Variants in SLC25A31 observed in about 807,000 individuals in gnomAD.
SLC25A31 encodes the protein ADP/ATP translocase 4.
A neutral mutation model predicts 36.2 loss-of-function variants in SLC25A31; 40 were observed. The observed-to-expected ratio is 1.10, with a 90% CI of 0.86 to 1.44. The LOEUF (loss-of-function observed/expected upper bound fraction) is 1.44. SLC25A31 is among the 40% of genes most tolerant of loss of function. The pLI, the probability that SLC25A31 is intolerant of heterozygous loss-of-function variation, is 0.00. For synonymous variants in SLC25A31, 143 were observed against 149.7 expected, an observed-to-expected ratio of 0.96 and a Z score of 0.32; for missense variants, 350 against 397.1, an observed-to-expected ratio of 0.88 and a Z score of 1.01.
intron 5 of SLC25A31, among the ~76,000 whole-genome samples, chr4:127,771,969 A>G (rs1578676170): frequency 6.6e-6 from 1 of 152,216 alleles, no homozygotes; most frequent in East Asian, 1.9e-4. Context: ...AGCACTTGCT[A>G]GATTTGATTG....
chr4:127,730,840 A>G (rs1449181750), intron 1 of SLC25A31, 63 bp downstream of exon 1: 4 of 1,486,174 alleles, frequency 2.7e-6, no homozygotes, highest in Non-Finnish European at 2.7e-6. Flanking sequence ...CCCAGAGAAG[A>G]GGGTGGCTGG....
chr4:127,745,932 T>C (rs2148756658), intron 2 of SLC25A31, among the ~76,000 whole-genome samples: 1 of 152,222 alleles, frequency 6.6e-6, no homozygotes, highest in Non-Finnish European at 1.5e-5. Flanking sequence ...CCAATAGTTA[T>C]TTTTCCTGCA....
intron 2 of SLC25A31, among the ~76,000 whole-genome samples, chr4:127,757,380 T>A (rs1176917855): frequency 6.6e-6 from 1 of 152,204 alleles, no homozygotes; most frequent in Non-Finnish European, 1.5e-5. Context: ...AGTGAGAACA[T>A]GAAGTATTTA....
At chr4:127,767,734 A>G (rs960551759) in intron 4 of SLC25A31, among the ~76,000 whole-genome samples, 1 of 145,160 alleles carries the variant, frequency 6.9e-6, no homozygotes, top group African/African-American at 2.9e-5. Context: ...TTCAGATTTT[A>G]AGAACACTTC....
At chr4:127,736,104 T>A (rs1003842908) in intron 1 of SLC25A31, among the ~76,000 whole-genome samples, 8 of 151,566 alleles carry the variant, frequency 5.3e-5, no homozygotes, top group Non-Finnish European at 1.0e-4. Context: ...TTAGCCAGGA[T>A]GGTCTCGATC....
At chr4:127,756,104 G>A (rs1227064138) in intron 2 of SLC25A31, among the ~76,000 whole-genome samples, 1 of 151,860 alleles carries the variant, frequency 6.6e-6, no homozygotes, top group Admixed American at 6.6e-5. Flanking sequence ...CAAAGGAATT[G>A]AAATCAGCAT....
chr4:127,738,731 A>G (rs1450651878), intron 1 of SLC25A31, among the ~76,000 whole-genome samples: 1 of 151,588 alleles, frequency 6.6e-6, no homozygotes, highest in East Asian at 1.9e-4. Flanking sequence ...TTATTGTGTG[A>G]CTGGCTAAGT....
chr4:127,757,788 T>G (rs1398231640), intron 2 of SLC25A31, among the ~76,000 whole-genome samples: 1 of 152,198 alleles, frequency 6.6e-6, no homozygotes, highest in African/African-American at 2.4e-5. Flanking sequence ...GACTGACATA[T>G]ATCATTTTAT....
intron 5 of SLC25A31, among the ~76,000 whole-genome samples, chr4:127,770,007 A>G (rs1358121882): frequency 1.3e-5 from 2 of 152,236 alleles, no homozygotes; most frequent in Non-Finnish European, 2.9e-5. Flanking sequence ...TACTCATTAA[A>G]TTCTCAAAAC....
intron 2 of SLC25A31, among the ~76,000 whole-genome samples, chr4:127,762,079 T>C (rs1385204262): frequency 6.6e-6 from 1 of 152,238 alleles, no homozygotes; most frequent in African/African-American, 2.4e-5. Flanking sequence ...CAGTACACTT[T>C]ATTAAACAAA....
rs926983139 is a variant in SLC25A31, at chr4:127,742,421, CCTT to C, written c.233-2244_233-2242del. Among the ~76,000 whole-genome samples the C allele has an allele frequency of 8.7e-4, 133 of 152,298 alleles. 1 individual carries two copies. Among genetic ancestry groups the C allele is most frequent in the African/African-American group, 3.1e-3 (128 of 41,576 alleles). On this transcript the variant is annotated intron_variant, in intron 1 of 5. Coordinates refer to ENST00000281154, the MANE Select transcript of SLC25A31 (RefSeq NM_031291.4). Reference sequence around the variant, plus strand: ...CTGATTGATTACCTGTTGACCAAGTCCTTCTTCTTATTCCTCCCTAATTCTTGC... The same window carrying C: ...CTGATTGATTACCTGTTGACCAAGTCCTTCTTATTCCTCCCTAATTCTTGC...
At position 127,767,151 on chromosome 4, in the gene SLC25A31, G is replaced by T; in HGVS notation, c.564G>T (p.Gly188=). 1 of 1,613,746 alleles carries T rather than the reference G, an allele frequency of 6.2e-7. No individual in the cohort carries two copies. The highest frequency in any genetic ancestry group is 8.5e-7 in the Non-Finnish European group (1 of 1,179,802). The stretch of plus-strand genomic sequence containing the variant: ...ATGGAATTGCTGGTTTATACCAAGG[G>T]TTTGGTGTTTCAGTACAGGGCATCA... ...KSDGIAGLYQ[G]FGVSVQGIIV... Residue 188 remains glycine (G), a synonymous_variant, in exon 4 of 6, where the codon GGG becomes GGT. Coordinates refer to ENST00000281154, the MANE Select transcript of SLC25A31 (RefSeq NM_031291.4).
chr4:127,742,818 G>A (rs992455584), intron 1 of SLC25A31, among the ~76,000 whole-genome samples: 1 of 152,106 alleles, frequency 6.6e-6, no homozygotes, highest in African/African-American at 2.4e-5. Flanking sequence ...ATCTGTGAGT[G>A]TTGGTATGTT....
chr4:127,732,364 T>C (rs542257266), intron 1 of SLC25A31, among the ~76,000 whole-genome samples: 1 of 152,320 alleles, frequency 6.6e-6, no homozygotes, highest in African/African-American at 2.4e-5. Context: ...ATCTGGGAGC[T>C]AAGCTCAGGT....
At chr4:127,773,156 A>C (rs1007881419) in intron 5 of SLC25A31, among the ~76,000 whole-genome samples, 1 of 152,118 alleles carries the variant, frequency 6.6e-6, no homozygotes, top group African/African-American at 2.4e-5. Context: ...ATCATGGTCT[A>C]TGTGATGACA....
At position 127,738,277 on chromosome 4, in the gene SLC25A31, G is replaced by A. The variant is rs537508195; in HGVS notation, c.233-6395G>A. Among the ~76,000 whole-genome samples the A allele has an allele frequency of 2.2e-4, 34 of 152,186 alleles. No homozygotes were observed. The South Asian group carries it at 6.9e-3, about 31-fold the overall frequency. On this transcript the variant is annotated intron_variant, in intron 1 of 5. Coordinates refer to ENST00000281154, the MANE Select transcript of SLC25A31 (RefSeq NM_031291.4). The stretch of plus-strand genomic sequence containing the variant: ...AGCTAATTTTTTGTATTTCAGTAGA[G>A]ATGGGCTTCCACCATGTTGCCCAGG...
intron 5 of SLC25A31, among the ~76,000 whole-genome samples, chr4:127,770,195 C>T (rs571980392): frequency 6.6e-6 from 1 of 152,232 alleles, no homozygotes; most frequent in East Asian, 1.9e-4. Flanking sequence ...TCTAGTTTAG[C>T]ACATTGAGAA....
chr4:127,731,753 T>C (rs1306715538), intron 1 of SLC25A31, among the ~76,000 whole-genome samples: 2 of 152,126 alleles, frequency 1.3e-5, no homozygotes, highest in Non-Finnish European at 1.5e-5. Flanking sequence ...GAGAGAGAGC[T>C]GTTCTCCTTT....
chr4:127,733,149 T>C (rs1192197770), intron 1 of SLC25A31, among the ~76,000 whole-genome samples: 1 of 152,160 alleles, frequency 6.6e-6, no homozygotes, highest in African/African-American at 2.4e-5. Context: ...GCAGCTACCA[T>C]ATAAGGAAGT....
Sources: gnomAD v4.1 joint callset for allele counts (sites outside exome capture counted in the v4.1 genomes callset) on GRCh38, gnomAD v4.1.1 for gene constraint, MANE v1.5 for transcripts, NCBI Gene and HGNC (gene_info 2026-07-23, HGNC 2026-07-21) for gene names.